The following UGT2B7 variants were observed in gnomAD, a reference collection of about 807,000 sequenced individuals.
The protein encoded by UGT2B7 is UDP-glucuronosyltransferase 2B7.
In UGT2B7, 51 loss-of-function variants were observed where a neutral mutation model predicts 51.9. That is an observed-to-expected ratio of 0.98 (90% CI 0.78 to 1.24). The LOEUF (loss-of-function observed/expected upper bound fraction) is 1.24. Among genes scored for constraint, UGT2B7 ranks in the 50% most tolerant of loss-of-function variants. The pLI, the probability that UGT2B7 is intolerant of heterozygous loss-of-function variation, is 0.00. For synonymous variants in UGT2B7, 225 were observed against 211.6 expected, an observed-to-expected ratio of 1.06 and a Z score of -0.55; for missense variants, 727 against 628.4, an observed-to-expected ratio of 1.16 and a Z score of -1.68.
Position 69,102,945 on chromosome 4 carries a change from T to A in UGT2B7, c.1002+7T>A. 6.2e-7 allele frequency: 1 copy of A among 1,611,758 alleles called. No homozygotes were observed. Among genetic ancestry groups the A allele is most frequent in the South Asian group, 1.1e-5 (1 of 90,802 alleles). On this transcript the variant is annotated splice_region_variant and intron_variant, in intron 3 of 5. Coordinates refer to ENST00000305231, the MANE Select transcript of UGT2B7 (RefSeq NM_001074.4). ...GGCCCAGATCCCACAAAAGGTAAGA[T>A]GAAGTGCCTTACTGGTGTGGAAAAC...
intron 1 of UGT2B7, among the ~76,000 whole-genome samples, chr4:69,083,306 A>T (rs1228973401): frequency 1.3e-5 from 2 of 152,136 alleles, no homozygotes; most frequent in Non-Finnish European, 2.9e-5. Flanking sequence ...TTTATCATTT[A>T]AGAAATACAT....
intron 1 of UGT2B7, among the ~76,000 whole-genome samples, chr4:69,082,420 A>G (rs994254646): frequency 1.3e-5 from 2 of 152,056 alleles, no homozygotes; most frequent in African/African-American, 4.8e-5. Context: ...AAAAGATAAA[A>G]CAAAGTTCAC....
In UGT2B7 at chr4:69,108,153, T is replaced by C; in HGVS notation, c.1141T>C (p.Tyr381His). ...FITHGGANGI[Y>H]EAIYHGIPMV... ...AACTCATGGTGGAGCCAATGGCATCTACGAGGCAATCTACCATGGGATCCC... is the reference window on the plus strand; with the variant it reads ...AACTCATGGTGGAGCCAATGGCATCCACGAGGCAATCTACCATGGGATCCC... The change falls in exon 5 of 6, where the codon TAC becomes CAC. Residue 381 changes from tyrosine (Y) to histidine (H), a missense_variant. Tyr to His is a moderately conservative substitution (Grantham distance 83). Coordinates refer to ENST00000305231, the MANE Select transcript of UGT2B7 (RefSeq NM_001074.4). 1.2e-6 allele frequency: 2 copies of C among 1,613,696 alleles called. No homozygotes were observed. Among genetic ancestry groups the C allele is most frequent in the Non-Finnish European group, 1.7e-6 (2 of 1,179,664 alleles).
chr4:69,075,594 T>G (rs1024763633), intron 1 of UGT2B7, among the ~76,000 whole-genome samples: 44 of 152,252 alleles, frequency 2.9e-4, no homozygotes, highest in African/African-American at 9.4e-4. Context: ...GACCTTCAGA[T>G]GATTACATCC....
intron 5 of UGT2B7, among the ~76,000 whole-genome samples, chr4:69,112,190 T>C (rs10008743): frequency 0.035 from 5,378 of 152,292 alleles, 124 homozygotes; most frequent in Middle Eastern, 0.11. Context: ...TGTCCTGTTC[T>C]GTTCCATTCT....
At chr4:69,053,508 C>T (rs532321654) in intron 1 of UGT2B7, among the ~76,000 whole-genome samples, 32 of 152,336 alleles carry the variant, frequency 2.1e-4, no homozygotes, top group African/African-American at 7.7e-4. Context: ...GTCCCCTTTC[C>T]ACTACAGTGG....
In UGT2B7 at chr4:69,096,524, T is replaced by A; in HGVS notation, c.4T>A (p.Ser2Thr). The A allele has an allele frequency of 6.2e-7, 1 of 1,613,892 alleles. No individual in the cohort carries two copies. Among genetic ancestry groups the A allele is most frequent in the South Asian group, 1.1e-5 (1 of 91,056 alleles). M[S>T]VKWTSVILLI... ...ACAAGCATTGCATTGCACCAGGATG[T>A]CTGTGAAATGGACTTCAGTAATTTT... The change falls in exon 1 of 6, where the codon TCT (serine) becomes ACT (threonine). Residue 2 changes from serine (S) to threonine (T), a missense_variant. Coordinates refer to ENST00000305231, the MANE Select transcript of UGT2B7 (RefSeq NM_001074.4).
At chr4:69,063,844 CCAAT>C in intron 1 of UGT2B7, among the ~76,000 whole-genome samples, 2 of 152,024 alleles carry the variant, frequency 1.3e-5, no homozygotes, top group Middle Eastern at 6.8e-3. Context: ...TCAGAAACAT[CCAAT>C]CAATCACAGA....
intron 1 of UGT2B7, among the ~76,000 whole-genome samples, chr4:69,052,684 A>G (rs931240521): frequency 2.0e-5 from 3 of 152,098 alleles, no homozygotes; most frequent in African/African-American, 7.2e-5. Flanking sequence ...AATGTTTGTA[A>G]TAAGTCAAAA....
intron 1 of UGT2B7, among the ~76,000 whole-genome samples, chr4:69,056,705 T>TA (rs1213808991): frequency 6.6e-6 from 1 of 152,182 alleles, no homozygotes; most frequent in Non-Finnish European, 1.5e-5. Flanking sequence ...CTTCAAATGA[T>TA]AAAAAGCTTC....
chr4:69,104,597 T>C (rs1719537332), intron 3 of UGT2B7, among the ~76,000 whole-genome samples: 1 of 152,176 alleles, frequency 6.6e-6, no homozygotes, highest in Admixed American at 6.5e-5. Flanking sequence ...AGGGTGTTTT[T>C]CATTGATAAT....
chr4:69,101,437 C>G (rs1429390457), intron 2 of UGT2B7, among the ~76,000 whole-genome samples: 1 of 151,848 alleles, frequency 6.6e-6, no homozygotes, highest in Non-Finnish European at 1.5e-5. Flanking sequence ...CAGTCCATAT[C>G]AGTGATGAAT....
At chr4:69,091,939 T>C (rs1240571611), upstream of UGT2B7, among the ~76,000 whole-genome samples, 1 of 152,108 alleles carries the variant, frequency 6.6e-6, no homozygotes, top group African/African-American at 2.4e-5. Flanking sequence ...CCTAGCTTAT[T>C]ATTTTCTTTT....
intron 1 of UGT2B7, among the ~76,000 whole-genome samples, chr4:69,074,795 A>G (rs547489316): frequency 2.0e-5 from 3 of 152,092 alleles, no homozygotes; most frequent in Non-Finnish European, 4.4e-5. Flanking sequence ...AGTTTTCACA[A>G]GCATCTATTC....
chr4:69,105,778 A>G (rs1280546913), intron 3 of UGT2B7, among the ~76,000 whole-genome samples: 1 of 152,198 alleles, frequency 6.6e-6, no homozygotes, highest in Non-Finnish European at 1.5e-5. Flanking sequence ...AGTTATACAT[A>G]AAACCTTTGC....
At chr4:69,084,102 A>T (rs11937683) in intron 1 of UGT2B7, among the ~76,000 whole-genome samples, 87,548 of 151,904 alleles carry the variant, frequency 0.58, 26,197 homozygotes, top group African/African-American at 0.71. Context: ...TGTAAATTTT[A>T]TCAAATGCTT....
chr4:69,107,911 T>C (rs1000705906), intron 4 of UGT2B7, among the ~76,000 whole-genome samples, 192 bp from the exon 5 acceptor site: 1 of 152,302 alleles, frequency 6.6e-6, no homozygotes, highest in African/African-American at 2.4e-5. Flanking sequence ...TTTTGCAGTC[T>C]GAAGTCACAC....
intron 1 of UGT2B7, among the ~76,000 whole-genome samples, chr4:69,089,278 C>A (rs6846298): frequency 0.58 from 87,716 of 152,006 alleles, 26,310 homozygotes; most frequent in African/African-American, 0.71. Flanking sequence ...GTTTCTAGTA[C>A]ATAATTACTA....
At chr4:69,097,371 A>G in intron 1 of UGT2B7, 130 bp downstream of exon 1, 1 of 1,098,642 alleles carries the variant, frequency 9.1e-7, no homozygotes, top group Non-Finnish European at 1.3e-6. Context: ...AAAATACAAG[A>G]TGATCTATTA....
Sources: gnomAD v4.1 joint callset for allele counts (sites outside exome capture counted in the v4.1 genomes callset) on GRCh38, gnomAD v4.1.1 for gene constraint, MANE v1.5 for transcripts, NCBI Gene and HGNC (gene_info 2026-07-23, HGNC 2026-07-21) for gene names.